The following SLC35F3 variants were observed in gnomAD, a reference collection of about 807,000 sequenced individuals.
SLC35F3 encodes putative thiamine transporter SLC35F3.
In SLC35F3, 25 loss-of-function variants were observed where a neutral mutation model predicts 49.9. The observed-to-expected ratio is 0.50, with a 90% CI of 0.37 to 0.70. The LOEUF (loss-of-function observed/expected upper bound fraction) is 0.70. SLC35F3 is among the 30% of genes least tolerant of loss of function. The pLI is 0.00. For synonymous variants in SLC35F3, 275 were observed against 265.4 expected (o/e 1.04, Z -0.35); for missense variants, 525 against 639.8 (o/e 0.82, Z 1.94).
At chr1:234,141,586 C>T (rs1260595286) in intron 2 of SLC35F3, among the ~76,000 whole-genome samples, 1 of 152,172 alleles carries the variant, frequency 6.6e-6, no homozygotes, top group Non-Finnish European at 1.5e-5. Flanking sequence ...AGTCTGATAT[C>T]TATCCTCCTA....
intron 3 of SLC35F3, among the ~76,000 whole-genome samples, chr1:234,308,875 A>G (rs137989342): frequency 4.3e-4 from 66 of 152,226 alleles, no homozygotes; most frequent in Middle Eastern, 3.4e-3. Context: ...CTTAACATGA[A>G]CAGAAGGAAG....
intron 2 of SLC35F3, among the ~76,000 whole-genome samples, chr1:234,139,578 C>T (rs1247881535): frequency 1.3e-5 from 2 of 152,144 alleles, no homozygotes; most frequent in Non-Finnish European, 2.9e-5. Context: ...CCCCACTTAT[C>T]CTTGGTTTCA....
intron 2 of SLC35F3, among the ~76,000 whole-genome samples, chr1:234,203,042 C>T (rs10910381): frequency 0.32 from 48,105 of 152,118 alleles, 12,788 homozygotes; most frequent in East Asian, 0.88. Flanking sequence ...CCAATACTGT[C>T]ATTAAAAGCA....
intron 2 of SLC35F3, 110 bp downstream of exon 2, chr1:233,905,868 C>A: frequency 9.6e-7 from 1 of 1,036,718 alleles, no homozygotes; most frequent in Non-Finnish European, 1.4e-6. Flanking sequence ...CCCTCCCGCC[C>A]TGCCTGCTGA....
At chr1:234,170,036 G>A (rs1000681061) in intron 2 of SLC35F3, among the ~76,000 whole-genome samples, 1 of 152,136 alleles carries the variant, frequency 6.6e-6, no homozygotes, top group Non-Finnish European at 1.5e-5. Context: ...CAAAATGCTG[G>A]GATTACAGGC....
chr1:234,256,800 A>G (rs1667827843), intron 3 of SLC35F3, among the ~76,000 whole-genome samples: 1 of 152,204 alleles, frequency 6.6e-6, no homozygotes. Flanking sequence ...CCTATTGCTT[A>G]TTGAATATGT....
chr1:234,127,250 GT>G (rs1335828157), intron 2 of SLC35F3, among the ~76,000 whole-genome samples: 1 of 152,164 alleles, frequency 6.6e-6, no homozygotes, highest in Non-Finnish European at 1.5e-5. Context: ...ATAACTGTCT[GT>G]GATTCACAGC....
intron 2 of SLC35F3, among the ~76,000 whole-genome samples, chr1:234,020,614 G>T (rs1663877057): frequency 6.6e-6 from 1 of 151,994 alleles, no homozygotes; most frequent in Non-Finnish European, 1.5e-5. Flanking sequence ...TTTGAAGTTT[G>T]GTCCTTCTAT....
intron 3 of SLC35F3, among the ~76,000 whole-genome samples, chr1:234,248,426 G>A (rs866319926): frequency 1.4e-5 from 2 of 138,674 alleles, no homozygotes; most frequent in Non-Finnish European, 1.7e-5. Context: ...CTGGTGCATT[G>A]TTTGGTGGGT....
At chr1:233,964,179 G>T (rs1430163291) in intron 2 of SLC35F3, among the ~76,000 whole-genome samples, 5 of 152,184 alleles carry the variant, frequency 3.3e-5, no homozygotes, top group Admixed American at 6.5e-5. Flanking sequence ...GTCCACACTT[G>T]CACCACTCTG....
chr1:233,910,114 G>A (rs760212995), intron 2 of SLC35F3, among the ~76,000 whole-genome samples: 1 of 152,216 alleles, frequency 6.6e-6, no homozygotes, highest in Non-Finnish European at 1.5e-5. Context: ...TAGAATTCAG[G>A]AGACTCTGAA....
chr1:233,992,412 A>G (rs549566697), intron 2 of SLC35F3, among the ~76,000 whole-genome samples: 1 of 152,302 alleles, frequency 6.6e-6, no homozygotes, highest in Admixed American at 6.5e-5. Flanking sequence ...TTCTTGCTGC[A>G]TCACATCATC....
At chr1:234,265,038 A>G (rs1309400236) in intron 3 of SLC35F3, among the ~76,000 whole-genome samples, 2 of 152,084 alleles carry the variant, frequency 1.3e-5, no homozygotes, top group Non-Finnish European at 2.9e-5. Flanking sequence ...TCTCCTCTGC[A>G]GTGTCTACGC....
chr1:233,910,080 A>G (rs1389288760), intron 2 of SLC35F3, among the ~76,000 whole-genome samples: 1 of 152,252 alleles, frequency 6.6e-6, no homozygotes, highest in Non-Finnish European at 1.5e-5. Context: ...ATCATCATAA[A>G]TTGACACCCT....
chr1:233,936,717 C>G (rs1662340245), intron 2 of SLC35F3, among the ~76,000 whole-genome samples: 1 of 151,774 alleles, frequency 6.6e-6, no homozygotes, highest in Non-Finnish European at 1.5e-5. Context: ...GAGACAGGGT[C>G]TTGCTATGTC....
intron 2 of SLC35F3, among the ~76,000 whole-genome samples, chr1:233,954,114 C>G (rs954630189): frequency 1.3e-5 from 2 of 151,298 alleles, no homozygotes; most frequent in African/African-American, 4.9e-5. Flanking sequence ...TCAAGCTATT[C>G]TCCTGCCTCG....
At chr1:234,097,866 T>C (rs888779070) in intron 2 of SLC35F3, among the ~76,000 whole-genome samples, 3 of 152,198 alleles carry the variant, frequency 2.0e-5, no homozygotes, top group Non-Finnish European at 4.4e-5. Flanking sequence ...AAGAGACATG[T>C]CAGTGTCTTG....
intron 2 of SLC35F3, among the ~76,000 whole-genome samples, chr1:234,117,778 C>G (rs1007430382): frequency 8.8e-5 from 13 of 147,390 alleles, no homozygotes; most frequent in African/African-American, 3.0e-4. Context: ...CCCAGCTACT[C>G]AGGAGGCTGA....
At chr1:234,177,480 A>G (rs1666493642) in intron 2 of SLC35F3, among the ~76,000 whole-genome samples, 1 of 152,204 alleles carries the variant, frequency 6.6e-6, no homozygotes, top group South Asian at 2.1e-4. Flanking sequence ...AAAGGGGGAA[A>G]ACAGCATGAA....
Sources: allele counts gnomAD v4.1 joint callset (sites outside exome capture counted in the v4.1 genomes callset), GRCh38; gene constraint gnomAD v4.1.1; transcripts MANE v1.5; gene names NCBI Gene and HGNC (gene_info 2026-07-23, HGNC 2026-07-21).